Variants in COL11A1 observed in about 807,000 individuals in gnomAD.
The protein encoded by COL11A1 is collagen alpha-1(XI) chain.
A neutral mutation model predicts 265.2 loss-of-function variants in COL11A1; 74 were observed. That is an observed-to-expected ratio of 0.28 (90% confidence interval 0.23 to 0.34). The LOEUF (loss-of-function observed/expected upper bound fraction) is 0.34, where lower values mean the gene tolerates loss of function less well. COL11A1 is among the 10% of genes least tolerant of loss of function. The probability of loss-of-function intolerance (pLI) is 1.00; values close to 1 mark genes in which losing one functional copy is unlikely to be tolerated. For synonymous variants in COL11A1, 816 were observed against 727.6 expected (o/e 1.12, Z -1.96); for missense variants, 2,165 against 2,263.6 (o/e 0.96, Z 0.88).
At chr1:102,982,635 T>G (rs1663147584) in intron 31 of COL11A1, among the ~76,000 whole-genome samples, 1 of 152,104 alleles carries the variant, frequency 6.6e-6, no homozygotes, top group African/African-American at 2.4e-5. Flanking sequence ...TATTTTTAAA[T>G]CACAGATGCC....
chr1:102,984,591 A>G (rs1570944030), intron 30 of COL11A1, among the ~76,000 whole-genome samples: 1 of 152,050 alleles, frequency 6.6e-6, no homozygotes, highest in South Asian at 2.1e-4. Context: ...TATCCCTTCA[A>G]CCAGAGTAAA....
At chr1:102,911,784 GTT>G (rs1654714675) in intron 54 of COL11A1, among the ~76,000 whole-genome samples, 1 of 152,132 alleles carries the variant, frequency 6.6e-6, no homozygotes, top group African/African-American at 2.4e-5. Context: ...ATGCATTCAT[GTT>G]TTTACAATGT....
Position 102,923,381 on chromosome 1 carries a change from T to C in COL11A1, c.3609A>G (p.Pro1203=). 1 of 1,601,160 alleles carries C rather than the reference T, an allele frequency of 6.2e-7. No individual in the cohort carries two copies. Among genetic ancestry groups the C allele is most frequent in the South Asian group, 1.1e-5 (1 of 89,248 alleles). The change falls in exon 47 of 67, where the codon CCA becomes CCG. Residue 1203 remains proline, a synonymous_variant. Coordinates refer to ENST00000370096, the MANE Select transcript of COL11A1 (RefSeq NM_001854.4). The part of the protein sequence containing the change: ...PPGPIGLQGL[P]GPPGEKGENG... ...TTTCACCTTTTTCACCAGGTGGGCC[T>C]GGCAGACCCTAAGAAAATATAATAG...
intron 54 of COL11A1, among the ~76,000 whole-genome samples, chr1:102,905,643 T>A (rs1233901091): frequency 5.3e-5 from 8 of 152,116 alleles, no homozygotes; most frequent in Non-Finnish European, 8.8e-5. Flanking sequence ...CAAATCCATT[T>A]TATTAAAATA....
intron 64 of COL11A1, among the ~76,000 whole-genome samples, chr1:102,882,235 T>A (rs1650342100): frequency 6.6e-6 from 1 of 152,194 alleles, no homozygotes; most frequent in South Asian, 2.1e-4. Flanking sequence ...CAACCTGAAT[T>A]ACTCCCTGCT....
intron 37 of COL11A1, 51 bp downstream of exon 37, chr1:102,970,168 G>T: frequency 7.0e-7 from 1 of 1,435,166 alleles, no homozygotes; most frequent in Non-Finnish European, 9.8e-7. Context: ...TGTATGAACT[G>T]ATGAGGTGCT....
intron 1 of COL11A1, among the ~76,000 whole-genome samples, chr1:103,091,291 G>T (rs535894206): frequency 4.6e-5 from 7 of 151,812 alleles, no homozygotes; most frequent in African/African-American, 1.7e-4. Context: ...AATTATATAT[G>T]AATATAAAAT....
intron 4 of COL11A1, among the ~76,000 whole-genome samples, chr1:103,038,598 A>G (rs1668560993): frequency 6.6e-6 from 1 of 152,182 alleles, no homozygotes; most frequent in Non-Finnish European, 1.5e-5. Flanking sequence ...TTAGGAACCA[A>G]TTTAAGAAAA....
intron 4 of COL11A1, among the ~76,000 whole-genome samples, chr1:103,034,053 T>C (rs554369362): frequency 6.6e-6 from 1 of 152,250 alleles, no homozygotes; most frequent in South Asian, 2.1e-4. Flanking sequence ...CCACAGTATA[T>C]GGTAGGGAAT....
chr1:103,101,706 A>G (rs1001124773), intron 1 of COL11A1, among the ~76,000 whole-genome samples: 2 of 151,960 alleles, frequency 1.3e-5, no homozygotes, highest in Admixed American at 1.3e-4. Flanking sequence ...AAGAGCAATT[A>G]AATTTGGTTA....
intron 43 of COL11A1, 25 bp downstream of exon 43, chr1:102,940,302 A>G (rs1221376092): frequency 6.4e-7 from 1 of 1,564,854 alleles, no homozygotes; most frequent in Admixed American, 1.7e-5. Flanking sequence ...CACAGGATCT[A>G]CTAACACGAA....
intron 2 of COL11A1, among the ~76,000 whole-genome samples, chr1:103,079,280 AC>A (rs5776674): frequency 0.14 from 20,904 of 152,092 alleles, 1,586 homozygotes; most frequent in Non-Finnish European, 0.16. Context: ...CATTGTAATG[AC>A]CCAATTTACA....
chr1:103,097,560 T>C (rs918894225), intron 1 of COL11A1, among the ~76,000 whole-genome samples: 14 of 152,020 alleles, frequency 9.2e-5, no homozygotes, highest in Non-Finnish European at 1.9e-4. Context: ...AGTTTTATAT[T>C]TACTTGTACC....
At chr1:102,999,386 C>T (rs866048454) in intron 24 of COL11A1, among the ~76,000 whole-genome samples, 3 of 151,914 alleles carry the variant, frequency 2.0e-5, no homozygotes, top group Non-Finnish European at 2.9e-5. Context: ...TTCCTATCCA[C>T]GTCTTCAAAG....
chr1:102,938,695 A>G (rs1282562934), intron 44 of COL11A1, among the ~76,000 whole-genome samples: 1 of 152,144 alleles, frequency 6.6e-6, no homozygotes, highest in East Asian at 1.9e-4. Flanking sequence ...ACCAATTTGT[A>G]TACATGTAGA....
intron 44 of COL11A1, among the ~76,000 whole-genome samples, chr1:102,936,628 C>T (rs1120519): frequency 0.77 from 116,889 of 152,086 alleles, 48,038 homozygotes; most frequent in East Asian, 1. Flanking sequence ...ATATTAATAT[C>T]GCATAAAGAA....
rs1673763528 is a variant in COL11A1 at position 103,096,349 on chromosome 1, G to A, written c.106+11724C>T. Among the ~76,000 whole-genome samples the A allele has an allele frequency of 2.0e-5, 3 of 152,138 alleles. No homozygotes were observed. The South Asian group carries it at 6.2e-4, about 32-fold the overall frequency. On this transcript the variant is annotated intron_variant, in intron 1 of 66. Transcript: ENST00000370096. The stretch of plus-strand genomic sequence containing the variant: ...TGGAGCAGATAGGAGTTGCTGATAG[G>A]TAGAAAAGGAGATAAGAGAGAAAAT...
intron 5 of COL11A1, among the ~76,000 whole-genome samples, chr1:103,030,395 A>G (rs867571112): frequency 6.6e-6 from 1 of 152,072 alleles, no homozygotes; most frequent in African/African-American, 2.4e-5. Context: ...AATTAAGATA[A>G]AAGATTTTGA....
At chr1:102,919,439 C>G (rs1372418729) in intron 49 of COL11A1, among the ~76,000 whole-genome samples, 1 of 151,290 alleles carries the variant, frequency 6.6e-6, no homozygotes, top group Non-Finnish European at 1.5e-5. Context: ...AACTTGAGAC[C>G]AAGAAAGGAA....
Sources: gnomAD v4.1 joint callset for allele counts (sites outside exome capture counted in the v4.1 genomes callset) on GRCh38, gnomAD v4.1.1 for gene constraint, MANE v1.5 for transcripts, NCBI Gene and HGNC (gene_info 2026-07-23, HGNC 2026-07-21) for gene names.